Variants in SLC25A16 observed in about 807,000 individuals in gnomAD.
SLC25A16 encodes the protein solute carrier family 25 member 16, also known as mitochondrial coenzyme A transporter SLC25A16.
SLC25A16 carries 39 observed loss-of-function variants against 41.5 expected under a neutral mutation model. The ratio of observed to expected loss-of-function variants is 0.94; its 90% CI spans 0.73 to 1.23. SLC25A16 has a LOEUF of 1.23. Among genes scored for constraint, SLC25A16 ranks in the 50% most tolerant of loss-of-function variants. The pLI is 0.00. For synonymous variants in SLC25A16, 146 were observed against 147.8 expected (o/e 0.99, Z 0.09); for missense variants, 421 against 426.9 (o/e 0.99, Z 0.12).
At chr10:68,507,553 A>C (rs1211266801) in intron 2 of SLC25A16, among the ~76,000 whole-genome samples, 1 of 152,142 alleles carries the variant, frequency 6.6e-6, no homozygotes, top group African/African-American at 2.4e-5. Context: ...TTTAGGAATA[A>C]TGATAAACAA....
intron 2 of SLC25A16, among the ~76,000 whole-genome samples, chr10:68,508,167 G>A (rs1404201698): frequency 6.6e-6 from 1 of 152,036 alleles, no homozygotes; most frequent in Non-Finnish European, 1.5e-5. Context: ...AGCCGAGATT[G>A]CACCACTACA....
intron 2 of SLC25A16, among the ~76,000 whole-genome samples, chr10:68,514,539 A>G (rs1180444415): frequency 1.3e-5 from 2 of 152,174 alleles, no homozygotes; most frequent in Non-Finnish European, 2.9e-5. Context: ...CATATGTATC[A>G]TTGACCACAT....
At chr10:68,484,028 T>C (rs1206311085) in intron 8 of SLC25A16, among the ~76,000 whole-genome samples, 1 of 152,186 alleles carries the variant, frequency 6.6e-6, no homozygotes, top group Non-Finnish European at 1.5e-5. Context: ...ACAAATGTTT[T>C]AACAAGTGAA....
intron 6 of SLC25A16, among the ~76,000 whole-genome samples, chr10:68,491,293 C>G (rs1299805708): frequency 1.3e-5 from 2 of 151,662 alleles, no homozygotes; most frequent in Non-Finnish European, 2.9e-5. Flanking sequence ...ATGGTGCAAT[C>G]TTGGCTCACT....
Position 68,493,024 on chromosome 10 carries a change from A to G in SLC25A16, c.610+108T>C, listed in dbSNP as rs577914963. The G allele has an allele frequency of 1.3e-5, 9 of 692,818 alleles. No individual in the cohort carries two copies. In the South Asian group the frequency reaches 1.4e-4, roughly 11 times the overall value. 42.9% of individuals were successfully genotyped at this position (692,818 alleles called of 1,614,324 possible). On this transcript the variant is annotated intron_variant, in intron 6 of 8. Coordinates refer to ENST00000609923, the MANE Select transcript of SLC25A16 (RefSeq NM_152707.4). ...ACCATCCATAAATCATTTCTTATTA[A>G]AAGTACTTAACAGATAACATCTTTT...
intron 6 of SLC25A16, among the ~76,000 whole-genome samples, chr10:68,491,236 T>C (rs28564425): frequency 6.7e-6 from 1 of 149,932 alleles, no homozygotes; most frequent in South Asian, 2.1e-4. Flanking sequence ...TTTTTTTTTT[T>C]CTTTTTTGAG....
chr10:68,496,595 T>A (rs537067733), intron 4 of SLC25A16: 34 of 984,168 alleles, frequency 3.5e-5, no homozygotes, highest in Non-Finnish European at 3.3e-5. Flanking sequence ...TTTCCCTCTC[T>A]TAAGTCAAGA....
intron 4 of SLC25A16, among the ~76,000 whole-genome samples, chr10:68,498,061 A>G (rs1236726715): frequency 1.3e-5 from 2 of 152,160 alleles, no homozygotes; most frequent in African/African-American, 4.8e-5. Flanking sequence ...CACAGAAATC[A>G]CAGATCTCTG....
At position 68,524,676 on chromosome 10, in the gene SLC25A16, C is replaced by G. The variant is rs184895685; in HGVS notation, c.130+2570G>C. Among the ~76,000 whole-genome samples, 410 of 149,294 alleles carry G rather than the reference C, an allele frequency of 2.7e-3. 3 individuals are homozygous for G. Among genetic ancestry groups the G allele is most frequent in the African/African-American group, 9.8e-3 (397 of 40,396 alleles). ...TGAGCCGAGATTGCGCCACTGCACT[C>G]CAGCCTGGGCTACATAGTGAGACTC... On this transcript the variant is annotated intron_variant, in intron 1 of 8. Transcript: ENST00000609923.
intron 1 of SLC25A16, among the ~76,000 whole-genome samples, chr10:68,525,360 T>C (rs2053319868): frequency 6.6e-6 from 1 of 152,104 alleles, no homozygotes; most frequent in African/African-American, 2.4e-5. Context: ...GGTCTCAAAC[T>C]CCTGACTTCA....
At chr10:68,515,550 G>C (rs2133584068) in intron 2 of SLC25A16, among the ~76,000 whole-genome samples, 1 of 152,098 alleles carries the variant, frequency 6.6e-6, no homozygotes. Context: ...TATAATCCCA[G>C]CACTTTGGGA....
At chr10:68,522,882 G>A (rs2053271954) in intron 1 of SLC25A16, among the ~76,000 whole-genome samples, 1 of 151,318 alleles carries the variant, frequency 6.6e-6, no homozygotes, top group African/African-American at 2.4e-5. Flanking sequence ...CAGCTACTCT[G>A]GAAGCTGAGA....
rs562063276 is a variant in SLC25A16, at chr10:68,522,806, T to G, written c.130+4440A>C. ...CTCTAGCCTAGGCAACAGAGTGAGA[T>G]TCCTTCTCAAAAAAAAAAAAAAAAA... On this transcript the variant is annotated intron_variant, in intron 1 of 8. Coordinates refer to ENST00000609923, the MANE Select transcript of SLC25A16 (RefSeq NM_152707.4). 5.6e-5 allele frequency among the ~76,000 whole-genome samples: 6 copies of G among 106,536 alleles called. No homozygotes were observed. The South Asian group carries it at 2.2e-3, about 38-fold the overall frequency. The allele number at this position is 106,536 out of a possible 152,430, so 69.9% of individuals were successfully genotyped here. A position where few individuals can be genotyped will look rare whatever the true frequency, so the allele number is the denominator to read the frequency against.
chr10:68,523,790 C>T (rs1404964482), intron 1 of SLC25A16, among the ~76,000 whole-genome samples: 1 of 152,170 alleles, frequency 6.6e-6, no homozygotes, highest in East Asian at 1.9e-4. Flanking sequence ...GTCATTTTAT[C>T]AGCAGAACAA....
At chr10:68,509,719 A>G (rs9415906) in intron 2 of SLC25A16, among the ~76,000 whole-genome samples, 2 of 143,272 alleles carry the variant, frequency 1.4e-5, no homozygotes, top group South Asian at 2.2e-4. Context: ...AAAAATCTAT[A>G]TATCTATCTA....
chr10:68,492,561 G>A (rs2052677742), intron 6 of SLC25A16, among the ~76,000 whole-genome samples: 1 of 152,106 alleles, frequency 6.6e-6, no homozygotes, highest in Non-Finnish European at 1.5e-5. Context: ...CTGAGGTCGG[G>A]AGTTTGAGAC....
intron 2 of SLC25A16, among the ~76,000 whole-genome samples, chr10:68,516,141 TA>T: frequency 6.6e-6 from 1 of 152,308 alleles, no homozygotes; most frequent in African/African-American, 2.4e-5. Flanking sequence ...TTAATTTACT[TA>T]GCAAGGTCAT....
At position 68,506,737 on chromosome 10, in the gene SLC25A16, T is replaced by A. The variant is rs201973947; in HGVS notation, c.224-19A>T. On this transcript the variant is annotated intron_variant, in intron 2 of 8. Coordinates refer to ENST00000609923, the MANE Select transcript of SLC25A16 (RefSeq NM_152707.4). ...AATACTCCTATTTTTAGAGGAAAAA[T>A]GCTGTTAAAACAGAGAAAATTATCT... 1.3e-6 allele frequency: 2 copies of A among 1,531,420 alleles called. No homozygotes were observed. Among genetic ancestry groups the A allele is most frequent in the Non-Finnish European group, 1.8e-6 (2 of 1,133,618 alleles). The allele number at this position is 1,531,420 out of a possible 1,614,324, so 94.9% of individuals were successfully genotyped here.
intron 4 of SLC25A16, among the ~76,000 whole-genome samples, chr10:68,498,170 AT>A (rs748957852): frequency 2.0e-5 from 3 of 152,196 alleles, no homozygotes; most frequent in Non-Finnish European, 4.4e-5. Flanking sequence ...CTCAAATTCT[AT>A]TAATCAGAAC....
Sources: allele counts gnomAD v4.1 joint callset (sites outside exome capture counted in the v4.1 genomes callset), GRCh38; gene constraint gnomAD v4.1.1; transcripts MANE v1.5; gene names NCBI Gene and HGNC (gene_info 2026-07-23, HGNC 2026-07-21).